The following GNG2 variants were observed in gnomAD, a reference collection of about 807,000 sequenced individuals.
The protein encoded by GNG2 is guanine nucleotide-binding protein G(I)/G(S)/G(O) subunit gamma-2.
Under a neutral mutation model 5.5 loss-of-function variants are expected in GNG2, and 5 were observed. The observed-to-expected ratio is 0.91, with a 90% CI of 0.48 to 1.92. The LOEUF (loss-of-function observed/expected upper bound fraction) is 1.92. GNG2 is among the 30% of genes most tolerant of loss of function. The pLI is 0.01. For synonymous variants in GNG2, 28 were observed against 32.0 expected (o/e 0.88, Z 0.42); for missense variants, 55 against 88.4 (o/e 0.62, Z 1.52).
intron 1 of GNG2, among the ~76,000 whole-genome samples, chr14:51,870,807 A>G (rs555070902): frequency 4.6e-5 from 7 of 152,348 alleles, no homozygotes; most frequent in African/African-American, 1.4e-4. Context: ...GGCTATGCAC[A>G]TGAGGCAGCA....
At chr14:51,867,589 AT>A (rs1882988841) in intron 1 of GNG2, among the ~76,000 whole-genome samples, 1 of 152,204 alleles carries the variant, frequency 6.6e-6, no homozygotes, top group Admixed American at 6.5e-5. Context: ...TTCCATGTTT[AT>A]AGCCGGTGTC....
intron 2 of GNG2, among the ~76,000 whole-genome samples, chr14:51,948,217 A>G (rs769299983): frequency 5.9e-5 from 9 of 152,318 alleles, no homozygotes; most frequent in African/African-American, 9.6e-5. Flanking sequence ...AAATACACCT[A>G]GCTAAAATTC....
chr14:51,947,637 G>C (rs2140278542), intron 2 of GNG2, among the ~76,000 whole-genome samples: 1 of 152,286 alleles, frequency 6.6e-6, no homozygotes, highest in African/African-American at 2.4e-5. Flanking sequence ...AGACCCATTT[G>C]AGACTAATGC....
intron 2 of GNG2, among the ~76,000 whole-genome samples, chr14:51,906,717 T>C (rs1885941487): frequency 6.6e-6 from 1 of 151,408 alleles, no homozygotes; most frequent in Admixed American, 6.6e-5. Context: ...AGAACATATG[T>C]GTGTAGAATA....
chr14:51,888,068 A>C (rs75457324), intron 2 of GNG2, among the ~76,000 whole-genome samples: 1,674 of 152,288 alleles, frequency 0.011, 31 homozygotes, highest in African/African-American at 0.039. Flanking sequence ...TTGACTGCAT[A>C]CACCCATGAA....
chr14:51,958,989 G>GAC (rs1312536283), intron 3 of GNG2, among the ~76,000 whole-genome samples: 1 of 152,126 alleles, frequency 6.6e-6, no homozygotes, highest in Non-Finnish European at 1.5e-5. Flanking sequence ...CATCTTATTT[G>GAC]ATGTCTTGGC....
At chr14:51,889,449 A>T (rs189922825) in intron 2 of GNG2, among the ~76,000 whole-genome samples, 1 of 152,162 alleles carries the variant, frequency 6.6e-6, no homozygotes, top group Admixed American at 6.6e-5. Context: ...GATAGTGGTG[A>T]TGGGTACAGA....
At chr14:51,877,162 A>G (rs1883733475) in intron 1 of GNG2, among the ~76,000 whole-genome samples, 1 of 152,208 alleles carries the variant, frequency 6.6e-6, no homozygotes, top group African/African-American at 2.4e-5. Context: ...CCAGATACAC[A>G]CAAACTGTAT....
intron 1 of GNG2, among the ~76,000 whole-genome samples, chr14:51,865,843 A>T (rs770179038): frequency 6.6e-6 from 1 of 152,138 alleles, no homozygotes; most frequent in East Asian, 1.9e-4. Context: ...AGTATTAGAG[A>T]TATCTGTAAA....
chr14:51,942,581 C>CTTTG, intron 2 of GNG2, among the ~76,000 whole-genome samples: 1 of 60,068 alleles, frequency 1.7e-5, no homozygotes, highest in African/African-American at 7.4e-5. Context: ...CTCTTTCTTT[C>CTTTG]TTTCTTTCTT....
chr14:51,893,468 T>A (rs1884990488), intron 2 of GNG2, among the ~76,000 whole-genome samples: 2 of 152,184 alleles, frequency 1.3e-5, no homozygotes, highest in Admixed American at 6.5e-5. Flanking sequence ...TACAGAATCC[T>A]TAGTTTATTA....
intron 2 of GNG2, among the ~76,000 whole-genome samples, chr14:51,922,705 T>A (rs1887086644): frequency 6.6e-6 from 1 of 152,114 alleles, no homozygotes; most frequent in Admixed American, 6.6e-5. Flanking sequence ...GCTCAGTTTT[T>A]CCTAAAGAGT....
rs931080679 is a variant in GNG2, at chr14:51,880,867, C to A, written c.-30+3210C>A. Among the ~76,000 whole-genome samples, 13 of 146,742 alleles carry A rather than the reference C, an allele frequency of 8.9e-5. No individual in the cohort carries two copies. The East Asian group carries it at 2.7e-3, about 30-fold the overall frequency. ...AGTGAACCAAATAATGACCATATCC[C>A]ATAATATTTGGGTTGAAAATGGGGG... On this transcript the variant is annotated intron_variant, in intron 2 of 3. Transcript: ENST00000556766.
chr14:51,844,331 ACT>A (rs1301273605), intron 2 of GNG2, among the ~76,000 whole-genome samples: 4 of 151,858 alleles, frequency 2.6e-5, no homozygotes, highest in African/African-American at 4.8e-5. Flanking sequence ...TATGGTTCAA[ACT>A]CTCTCTCCCC....
At chr14:51,850,312 C>G (rs1594835268) in intron 2 of GNG2, among the ~76,000 whole-genome samples, 1 of 151,934 alleles carries the variant, frequency 6.6e-6, no homozygotes, top group South Asian at 2.1e-4. Flanking sequence ...TATGTGGCTC[C>G]CATTTGAGTT....
chr14:51,951,596 A>C (rs1188673050), intron 3 of GNG2, among the ~76,000 whole-genome samples: 1 of 152,214 alleles, frequency 6.6e-6, no homozygotes, highest in East Asian at 1.9e-4. Context: ...CTAAAACTAC[A>C]ACCTTCTTCC....
chr14:51,827,264 T>C (rs1179040022), intron 1 of GNG2, among the ~76,000 whole-genome samples: 4 of 152,174 alleles, frequency 2.6e-5, no homozygotes, highest in East Asian at 1.9e-4. Flanking sequence ...TTGAAAAATA[T>C]TGGGCACATA....
chr14:51,834,569 C>T (rs1252011054), intron 2 of GNG2, among the ~76,000 whole-genome samples: 2 of 152,216 alleles, frequency 1.3e-5, no homozygotes, highest in Non-Finnish European at 2.9e-5. Flanking sequence ...CTGTCTTACG[C>T]TCCTGTGTTG....
At chr14:51,869,811 C>A (rs1883180618) in intron 1 of GNG2, among the ~76,000 whole-genome samples, 1 of 152,216 alleles carries the variant, frequency 6.6e-6, no homozygotes, top group African/African-American at 2.4e-5. Flanking sequence ...CCTTGCCCTG[C>A]CGCGGCTCTT....
Sources: allele counts gnomAD v4.1 joint callset (sites outside exome capture counted in the v4.1 genomes callset), GRCh38; gene constraint gnomAD v4.1.1; transcripts MANE v1.5; gene names NCBI Gene and HGNC (gene_info 2026-07-23, HGNC 2026-07-21).